ASB4: variants seen among roughly 807,000 people sequenced by gnomAD.
ASB4 encodes the protein ankyrin repeat and SOCS box containing 4.
ASB4 carries 35 observed loss-of-function variants against 38.6 expected under a neutral mutation model. The observed-to-expected ratio is 0.91, with a 90% CI of 0.69 to 1.20. The LOEUF is 1.20. Among genes scored for constraint, ASB4 ranks in the 50% most tolerant of loss-of-function variants. The pLI is 0.00. For synonymous variants in ASB4, 195 were observed against 201.3 expected, an observed-to-expected ratio of 0.97 and a Z score of 0.26; for missense variants, 557 against 527.2, an observed-to-expected ratio of 1.06 and a Z score of -0.55.
chr7:95,534,480 A>C (rs1334973898), intron 3 of ASB4, among the ~76,000 whole-genome samples: 4 of 151,672 alleles, frequency 2.6e-5, no homozygotes, highest in African/African-American at 9.7e-5. Flanking sequence ...TCTTCCTCCT[A>C]TCTGATTAGT....
chr7:95,498,137 T>C (rs1790277871), intron 2 of ASB4, among the ~76,000 whole-genome samples: 1 of 152,206 alleles, frequency 6.6e-6, no homozygotes, highest in African/African-American at 2.4e-5. Context: ...CAGCAATGTA[T>C]GAGAATTCCA....
intron 1 of ASB4, among the ~76,000 whole-genome samples, chr7:95,491,926 C>T (rs779622287): frequency 6.6e-6 from 1 of 152,178 alleles, no homozygotes; most frequent in Non-Finnish European, 1.5e-5. Context: ...CTGAATTATT[C>T]AAAAATCCCT....
chr7:95,546,082 C>G, the ASB4 span, among the ~76,000 whole-genome samples: 515 of 152,330 alleles, frequency 3.4e-3, 2 homozygotes, highest in African/African-American at 0.012. Flanking sequence ...TTCTGAGGCC[C>G]AGTTCCCACC....
chr7:95,481,508 A>C (rs1035852301), upstream of ASB4, among the ~76,000 whole-genome samples: 4 of 152,214 alleles, frequency 2.6e-5, no homozygotes, highest in Non-Finnish European at 5.9e-5. Flanking sequence ...GAAAGTCAGG[A>C]GGCCCAAGGG....
chr7:95,515,230 T>G (rs1271829207), intron 2 of ASB4, among the ~76,000 whole-genome samples: 2 of 107,704 alleles, frequency 1.9e-5, no homozygotes, highest in Admixed American at 9.3e-5. Flanking sequence ...TCTTTCTTTC[T>G]TTTTCTTTCT....
At chr7:95,474,591 G>A (rs1035701001), upstream of ASB4, among the ~76,000 whole-genome samples, 2 of 152,184 alleles carry the variant, frequency 1.3e-5, no homozygotes, top group Non-Finnish European at 1.5e-5. Flanking sequence ...GTGCAATCAC[G>A]GCTCACTGCA....
At chr7:95,551,177 T>C in the ASB4 span, among the ~76,000 whole-genome samples, 65,132 of 151,940 alleles carry the variant, frequency 0.43, 14,333 homozygotes, top group East Asian at 0.82. Flanking sequence ...CACACGGTTT[T>C]GCCTTATTGG....
chr7:95,481,794 C>G (rs1199458153), upstream of ASB4, among the ~76,000 whole-genome samples: 2 of 152,346 alleles, frequency 1.3e-5, no homozygotes, highest in Admixed American at 6.5e-5. Flanking sequence ...ACATCATTGC[C>G]TTGTCAGAAA....
intron 2 of ASB4, among the ~76,000 whole-genome samples, chr7:95,506,900 C>G (rs909197419): frequency 2.6e-5 from 4 of 151,860 alleles, no homozygotes; most frequent in African/African-American, 9.7e-5. Context: ...GGATATCGAA[C>G]CTCCCTGGAC....
At chr7:95,506,124 C>G (rs1353403261) in intron 2 of ASB4, among the ~76,000 whole-genome samples, 1 of 152,174 alleles carries the variant, frequency 6.6e-6, no homozygotes, top group East Asian at 1.9e-4. Flanking sequence ...GTCTCCAACT[C>G]CTGGCCTCAA....
chr7:95,511,942 G>C (rs1309788702), intron 2 of ASB4, among the ~76,000 whole-genome samples: 1 of 152,148 alleles, frequency 6.6e-6, no homozygotes, highest in Non-Finnish European at 1.5e-5. Context: ...TCTCGGGACT[G>C]CCTTGGGTGA....
At chr7:95,549,720 C>T in the ASB4 span, among the ~76,000 whole-genome samples, 1 of 152,174 alleles carries the variant, frequency 6.6e-6, no homozygotes, top group Non-Finnish European at 1.5e-5. Flanking sequence ...TAGACTCTGA[C>T]AGGTGGACCT....
intron 2 of ASB4, among the ~76,000 whole-genome samples, chr7:95,505,591 G>A (rs1562814185): frequency 6.6e-6 from 1 of 151,938 alleles, no homozygotes; most frequent in Admixed American, 6.6e-5. Context: ...CCATAAAAGT[G>A]GAAAAGAATA....
intron 2 of ASB4, among the ~76,000 whole-genome samples, chr7:95,517,485 A>G (rs1027928649): frequency 1.3e-5 from 2 of 152,182 alleles, no homozygotes; most frequent in East Asian, 1.9e-4. Flanking sequence ...GCAAGGAGCA[A>G]ATGATGATGC....
At chr7:95,476,912 TA>T (rs1789983023), upstream of ASB4, among the ~76,000 whole-genome samples, 1 of 152,244 alleles carries the variant, frequency 6.6e-6, no homozygotes, top group Non-Finnish European at 1.5e-5. Context: ...AAACAATGTT[TA>T]ATTTATGTAT....
At chr7:95,485,908 C>G (rs1243926393), upstream of ASB4, 1 of 1,453,164 alleles carries the variant, frequency 6.9e-7, no homozygotes, top group East Asian at 2.3e-5. Flanking sequence ...CTCCAGCATG[C>G]GCCTGTTTGC....
chr7:95,528,099 G>GA lies in ASB4; in HGVS notation c.774_775insA (p.Ala259SerfsTer6). 3 of 1,614,184 alleles carry GA rather than the reference G, an allele frequency of 1.9e-6. No individual in the cohort carries two copies. The highest frequency in any genetic ancestry group is 1.7e-6 in the Non-Finnish European group (2 of 1,180,034). On this transcript the variant is annotated frameshift_variant, in exon 3 of 5. Transcript: ENST00000325885. LOFTEE classifies it high-confidence loss of function. Reference sequence around the variant, plus strand: ...ACGACTTTAAATCTCCCCTCCACAAGGCAGCCTGGAACTGTGACCACGTGC... The same window carrying GA: ...ACGACTTTAAATCTCCCCTCCACAAGAGCAGCCTGGAACTGTGACCACGTGC...
chr7:95,511,689 T>C (rs1452948825), intron 2 of ASB4, among the ~76,000 whole-genome samples: 3 of 151,622 alleles, frequency 2.0e-5, no homozygotes, highest in Non-Finnish European at 4.4e-5. Flanking sequence ...TAAATAAAAA[T>C]AACAACAGCT....
chr7:95,515,242 T>G (rs1202938760), intron 2 of ASB4, among the ~76,000 whole-genome samples: 6 of 145,188 alleles, frequency 4.1e-5, no homozygotes, highest in African/African-American at 1.5e-4. Flanking sequence ...TTTCTTTCTT[T>G]CTTTCTTTCC....
Sources: gnomAD v4.1 joint callset for allele counts (sites outside exome capture counted in the v4.1 genomes callset) on GRCh38, gnomAD v4.1.1 for gene constraint, MANE v1.5 for transcripts, NCBI Gene and HGNC (gene_info 2026-07-23, HGNC 2026-07-21) for gene names.